Variants in SLAMF8 observed in about 807,000 individuals in gnomAD.
The protein encoded by SLAMF8 is B lymphocyte activator macrophage expressed.
In SLAMF8, 23 loss-of-function variants were observed where a neutral mutation model predicts 29.0. That is an observed-to-expected ratio of 0.79 (90% CI 0.57 to 1.13). The LOEUF (loss-of-function observed/expected upper bound fraction) is 1.13. Ranked by LOEUF, SLAMF8 falls within the 50% of genes most tolerant of loss-of-function variation. SLAMF8 has a pLI of 0.00. For missense variants in SLAMF8, 381 were observed against 353.1 expected (o/e 1.08, Z -0.63); for synonymous variants, 139 against 145.6 (o/e 0.96, Z 0.32).
At position 159,828,791 on chromosome 1, in the gene SLAMF8, C is replaced by T. The variant is rs1198746144; in HGVS notation, c.41-1075C>T. 4.6e-5 allele frequency among the ~76,000 whole-genome samples: 7 copies of T among 152,000 alleles called. No homozygotes were observed. In the East Asian group the frequency reaches 7.7e-4, roughly 17 times the overall value. On this transcript the variant is annotated intron_variant, in intron 1 of 4. Coordinates refer to ENST00000289707, the MANE Select transcript of SLAMF8 (RefSeq NM_020125.3). ...ATTACCTATGAGGGATAGGGGAGGT[C>T]GGAGGAGGCAGTGATGCTACAAGAG... is the stretch of plus-strand genomic sequence containing the variant.
chr1:159,831,155 G>T (rs1011892259), intron 2 of SLAMF8, among the ~76,000 whole-genome samples: 5 of 152,152 alleles, frequency 3.3e-5, no homozygotes, highest in Non-Finnish European at 7.3e-5. Context: ...AAGAGGCATG[G>T]GTGACCCTAA....
In SLAMF8 at chr1:159,833,248, C is replaced by T. The variant is rs1211263985; in HGVS notation, c.674-14C>T. 24 of 1,614,028 alleles carry T rather than the reference C, an allele frequency of 1.5e-5. No homozygotes were observed. The highest frequency in any genetic ancestry group is 6.7e-5 in the Admixed American group (4 of 59,992). Reference sequence around the variant, plus strand: ...GCATCAAGTCCACCTCTAACCCCACCCCTCCATGTTCAGCACCAGGGAAGG... The same window carrying T: ...GCATCAAGTCCACCTCTAACCCCACTCCTCCATGTTCAGCACCAGGGAAGG... On this transcript the variant is annotated splice_polypyrimidine_tract_variant and intron_variant, in intron 3 of 4. Coordinates refer to ENST00000289707, the MANE Select transcript of SLAMF8 (RefSeq NM_020125.3).
chr1:159,834,999 C>T, intron 4 of SLAMF8, 185 bp from the exon 5 acceptor site: 2 of 586,572 alleles, frequency 3.4e-6, no homozygotes, highest in East Asian at 5.8e-5. Context: ...AGGTTAGATA[C>T]TAGGAAGAAT....
Position 159,837,303 on chromosome 1 carries a change from C to T in SLAMF8, c.*2043C>T, listed in dbSNP as rs1648021251. Reference sequence around the variant, plus strand: ...CCCTCCACCAAAAAAACACAAAGTGCTTCTGTGAGACCAATTTTGTGCTAA... The same window carrying T: ...CCCTCCACCAAAAAAACACAAAGTGTTTCTGTGAGACCAATTTTGTGCTAA... On this transcript the variant is annotated 3_prime_UTR_variant, in exon 5 of 5. Coordinates refer to ENST00000289707, the MANE Select transcript of SLAMF8 (RefSeq NM_020125.3). The T allele has an allele frequency of 1.0e-6, 1 of 985,332 alleles. No individual in the cohort carries two copies. The highest frequency in any genetic ancestry group is 4.7e-5 in the South Asian group (1 of 21,292). 61.0% of individuals were successfully genotyped at this position (985,332 alleles called of 1,614,324 possible).
intron 2 of SLAMF8, 58 bp from the exon 3 acceptor site, chr1:159,832,818 G>A: frequency 6.4e-7 from 1 of 1,569,568 alleles, no homozygotes; most frequent in Non-Finnish European, 8.7e-7. Context: ...CAGAGCCAGA[G>A]ATGTGGGCCC....
chr1:159,828,804 G>A (rs1025674914), intron 1 of SLAMF8, among the ~76,000 whole-genome samples: 1 of 152,034 alleles, frequency 6.6e-6, no homozygotes, highest in African/African-American at 2.4e-5. Context: ...AGGAGGCAGT[G>A]ATGCTACAAG....
rs1022469693 is a variant in SLAMF8 at position 159,835,705 on chromosome 1, C to T, written c.*445C>T. 5.1e-6 allele frequency: 5 copies of T among 987,184 alleles called. No homozygotes were observed. In the African/African-American group the frequency reaches 7.0e-5, roughly 14 times the overall value. The allele number at this position is 987,184 out of a possible 1,614,324, so 61.2% of individuals were successfully genotyped here. A position where few individuals can be genotyped will look rare whatever the true frequency, so the allele number is the denominator to read the frequency against. On this transcript the variant is annotated 3_prime_UTR_variant, in exon 5 of 5. Transcript: ENST00000289707. ...GAACTAATAGAGGAACTCTGAGTCA[C>T]CCATGCCAGCATCAGCTTCAGCCCC... is the stretch of plus-strand genomic sequence containing the variant.
chr1:159,828,794 A>G (rs1166612042), intron 1 of SLAMF8, among the ~76,000 whole-genome samples: 1 of 152,124 alleles, frequency 6.6e-6, no homozygotes, highest in Non-Finnish European at 1.5e-5. Context: ...GGGAGGTCGG[A>G]GGAGGCAGTG....
At position 159,835,460 on chromosome 1, in the gene SLAMF8, C is replaced by T. The variant is rs1032462994; in HGVS notation, c.*200C>T. 5.5e-5 allele frequency: 75 copies of T among 1,359,162 alleles called. No homozygotes were observed. The Middle Eastern group carries it at 2.5e-3, about 45-fold the overall frequency. 84.2% of individuals were successfully genotyped at this position (1,359,162 alleles called of 1,614,324 possible). ...CCAGCACGTTTCACACCTCCCCCTT[C>T]CCTCTCCCATCTTCTCATATCCTGG... On this transcript the variant is annotated 3_prime_UTR_variant, in exon 5 of 5. Coordinates refer to ENST00000289707, the MANE Select transcript of SLAMF8 (RefSeq NM_020125.3).
chr1:159,833,573 A>C lies in SLAMF8; in HGVS notation c.781+204A>C, dbSNP rs1571142229. ...GTCTCTTATGTGGTTCTCCAAATGA[A>C]CTGTTCTCTCACATCCATCTGCAGA... On this transcript the variant is annotated intron_variant, in intron 4 of 4. Coordinates refer to ENST00000289707, the MANE Select transcript of SLAMF8 (RefSeq NM_020125.3). Among the ~76,000 whole-genome samples the C allele has an allele frequency of 3.3e-5, 5 of 152,246 alleles. No homozygotes were observed. In the South Asian group the frequency reaches 1.0e-3, roughly 32 times the overall value.
chr1:159,833,515 A>G, intron 4 of SLAMF8, 146 bp downstream of exon 4: 1 of 1,183,824 alleles, frequency 8.4e-7, no homozygotes, highest in East Asian at 2.5e-5. Context: ...TCTAGCTCAT[A>G]TCTTGGTTTA....
rs565715203 is a variant in SLAMF8 at position 159,827,608 on chromosome 1, G to A, written c.40+670G>A. 9.3e-4 allele frequency among the ~76,000 whole-genome samples: 141 copies of A among 152,220 alleles called. 1 individual carries two copies. Among genetic ancestry groups the A allele is most frequent in the African/African-American group, 3.2e-3 (131 of 41,514 alleles). ...CAACATGACATGGGTCAACACTGCC[G>A]GGCCATGGATGAGGGTTTATGGGGT... is the stretch of plus-strand genomic sequence containing the variant. On this transcript the variant is annotated intron_variant, in intron 1 of 4. Transcript: ENST00000289707.
chr1:159,828,523 C>T (rs1647237351), intron 1 of SLAMF8, among the ~76,000 whole-genome samples: 1 of 152,188 alleles, frequency 6.6e-6, no homozygotes, highest in Non-Finnish European at 1.5e-5. Context: ...CAGCGACAGG[C>T]ATAGGGTCAG....
intron 4 of SLAMF8, among the ~76,000 whole-genome samples, 200 bp downstream of exon 4, chr1:159,833,569 AT>A (rs1647663426): frequency 6.6e-6 from 1 of 152,146 alleles, no homozygotes; most frequent in African/African-American, 2.4e-5. Flanking sequence ...GGTTCTCCAA[AT>A]GAACTGTTCT....
At chr1:159,832,682 T>C (rs1448767509) in intron 2 of SLAMF8, among the ~76,000 whole-genome samples, 194 bp from the exon 3 acceptor site, 1 of 152,232 alleles carries the variant, frequency 6.6e-6, no homozygotes, top group African/African-American at 2.4e-5. Context: ...CATGAATCGT[T>C]TCCTGAAAGG....
intron 1 of SLAMF8, among the ~76,000 whole-genome samples, 158 bp from the exon 2 acceptor site, chr1:159,829,706 CAT>C (rs1647327296): frequency 1.3e-5 from 2 of 152,268 alleles, no homozygotes; most frequent in Middle Eastern, 6.8e-3. Flanking sequence ...GGTTATCTTC[CAT>C]ATGTTTTATC....
intron 1 of SLAMF8, 91 bp downstream of exon 1, chr1:159,827,029 C>A (rs1663666014): frequency 6.6e-7 from 1 of 1,519,652 alleles, no homozygotes; most frequent in East Asian, 2.3e-5. Flanking sequence ...GATCCCTCGA[C>A]CTGGGTGAGA....
intron 4 of SLAMF8, 40 bp from the exon 5 acceptor site, chr1:159,835,144 A>G: frequency 1.3e-6 from 2 of 1,598,748 alleles, no homozygotes; most frequent in South Asian, 1.1e-5. Context: ...CAAGACTCCA[A>G]ACACTGGAGG....
chr1:159,831,175 T>C (rs1354003649), intron 2 of SLAMF8, among the ~76,000 whole-genome samples: 2 of 152,198 alleles, frequency 1.3e-5, no homozygotes, highest in East Asian at 1.9e-4. Context: ...AATCACTGTT[T>C]CAGTAAAACC....
Sources: allele counts gnomAD v4.1 joint callset (sites outside exome capture counted in the v4.1 genomes callset), GRCh38; gene constraint gnomAD v4.1.1; transcripts MANE v1.5; gene names NCBI Gene and HGNC (gene_info 2026-07-23, HGNC 2026-07-21).